Variants in UBR1 observed in about 807,000 individuals in gnomAD.
UBR1 encodes the protein ubiquitin protein ligase E3 component n-recognin 1.
Under a neutral mutation model 242.1 loss-of-function variants are expected in UBR1, and 102 were observed. That is an observed-to-expected ratio of 0.42 (90% CI 0.36 to 0.50). The LOEUF (loss-of-function observed/expected upper bound fraction) is 0.50. Ranked by LOEUF, UBR1 falls within the 20% of genes least tolerant of loss-of-function variation. The pLI is 0.01. For synonymous variants in UBR1, 675 were observed against 684.8 expected (o/e 0.99, Z 0.22); for missense variants, 1,772 against 2,101.8 (o/e 0.84, Z 3.07).
rs954825623 is a variant in UBR1, at chr15:43,066,797, G to GT, written c.798+1100dup. On this transcript the variant is annotated intron_variant, in intron 6 of 46. Transcript: ENST00000290650. ...TCAAAATTTGCATTGTTTTGTTTTA[G>GT]TTTTTTTGTAGAGACAGAGTCTCTT... is the stretch of plus-strand genomic sequence containing the variant. 2.0e-5 allele frequency among the ~76,000 whole-genome samples: 3 copies of GT among 152,196 alleles called. No individual in the cohort carries two copies. In the East Asian group the frequency reaches 5.8e-4, roughly 29 times the overall value.
intron 1 of UBR1, among the ~76,000 whole-genome samples, chr15:43,090,778 G>A (rs2034096992): frequency 6.6e-6 from 1 of 152,146 alleles, no homozygotes. Flanking sequence ...TTTCATAGAT[G>A]AGAAAGCTGA....
intron 1 of UBR1, among the ~76,000 whole-genome samples, chr15:43,099,250 T>C (rs1268501080): frequency 6.6e-6 from 1 of 151,912 alleles, no homozygotes; most frequent in Non-Finnish European, 1.5e-5. Flanking sequence ...GGCAAGAGAA[T>C]TGCTTGAACC....
chr15:43,086,797 A>G (rs1414179191), intron 1 of UBR1, among the ~76,000 whole-genome samples: 3 of 152,234 alleles, frequency 2.0e-5, no homozygotes, highest in Admixed American at 6.5e-5. Context: ...TAAAATGACA[A>G]TGAGATACCC....
chr15:43,095,915 A>G (rs757141311), intron 1 of UBR1, among the ~76,000 whole-genome samples: 7 of 152,380 alleles, frequency 4.6e-5, no homozygotes, highest in East Asian at 1.9e-4. Flanking sequence ...GAGTGAACAT[A>G]AAGTGAGTCA....
chr15:43,059,323 T>G (rs1487619200), intron 8 of UBR1, 131 bp from the exon 9 acceptor site: 1 of 778,122 alleles, frequency 1.3e-6, no homozygotes, highest in East Asian at 2.7e-5. Context: ...CCTCAGCCTC[T>G]CACAGTGCTG....
Position 42,945,220 on chromosome 15 carries a change from G to C in UBR1, c.*109C>G. ...ATTGATGTAAGTGAACCTGGACATG[G>C]AGCAAAAGACCCTCCAATACTTTCC... On this transcript the variant is annotated 3_prime_UTR_variant, in exon 47 of 47. Transcript: ENST00000290650. 6.8e-7 allele frequency: 1 copy of C among 1,474,582 alleles called. No individual in the cohort carries two copies. The highest frequency in any genetic ancestry group is 1.4e-5 in the African/African-American group (1 of 71,874). 91.3% of individuals were successfully genotyped at this position (1,474,582 alleles called of 1,614,324 possible).
In UBR1 at chr15:43,024,970, T is replaced by C; in HGVS notation, c.2598A>G (p.Pro866=). ...QENKDEALPP[P]PPPEFCPAFS... ...AAGCAGGGCAGAATTCAGGAGGTGGTGGTGGCGGCAATGCTATAGGAGGTG... is the reference window on the plus strand; with the variant it reads ...AAGCAGGGCAGAATTCAGGAGGTGGCGGTGGCGGCAATGCTATAGGAGGTG... The change falls in exon 25 of 47, where the codon CCA becomes CCG. Residue 866 remains proline (P), a synonymous_variant. Coordinates refer to ENST00000290650, the MANE Select transcript of UBR1 (RefSeq NM_174916.3). The C allele has an allele frequency of 6.2e-7, 1 of 1,614,082 alleles. No homozygotes were observed. Among genetic ancestry groups the C allele is most frequent in the South Asian group, 1.1e-5 (1 of 91,088 alleles).
chr15:43,027,557 A>C (rs1027249912), intron 22 of UBR1, among the ~76,000 whole-genome samples: 8 of 152,138 alleles, frequency 5.3e-5, no homozygotes, highest in African/African-American at 1.9e-4. Context: ...TAATATCATA[A>C]ATGAGTATTT....
chr15:43,019,686 G>A (rs1300287227), intron 27 of UBR1, among the ~76,000 whole-genome samples: 3 of 146,728 alleles, frequency 2.0e-5, no homozygotes, highest in South Asian at 2.2e-4. Flanking sequence ...GAGTTCAGGC[G>A]ATTCTCCTGC....
At position 43,028,746 on chromosome 15, in the gene UBR1, C is replaced by CAA. The variant is rs1266687796; in HGVS notation, c.2380-920_2380-919dup. On this transcript the variant is annotated intron_variant, in intron 21 of 46. Transcript: ENST00000290650. ...GGCAACAGACCAAGACTCCATCAAA[C>CAA]AAAAAAAAAAAAACAAACAAACAAC... Among the ~76,000 whole-genome samples the CAA allele has an allele frequency of 1.6e-4, 17 of 104,262 alleles. No homozygotes were observed. The East Asian group carries it at 2.8e-3, about 17-fold the overall frequency. The allele number at this position is 104,262 out of a possible 152,430, so 68.4% of individuals were successfully genotyped here. A position where few individuals can be genotyped will look rare whatever the true frequency, so the allele number is the denominator to read the frequency against.
At chr15:43,076,776 AG>A (rs2033904741) in intron 3 of UBR1, among the ~76,000 whole-genome samples, 1 of 116,384 alleles carries the variant, frequency 8.6e-6, no homozygotes, top group Non-Finnish European at 1.8e-5. Flanking sequence ...GGGAGGTGGG[AG>A]GGGGTCAGCC....
intron 1 of UBR1, among the ~76,000 whole-genome samples, chr15:43,097,429 C>T (rs141165022): frequency 1.3e-5 from 2 of 152,274 alleles, no homozygotes; most frequent in Middle Eastern, 3.4e-3. Context: ...CTGCATTAGC[C>T]GCTAGCAAGA....
chr15:43,015,732 T>C lies in UBR1; in HGVS notation c.3165A>G (p.Thr1055=). 1 of 1,614,212 alleles carries C rather than the reference T, an allele frequency of 6.2e-7. No homozygotes were observed. Among genetic ancestry groups the C allele is most frequent in the South Asian group, 1.1e-5 (1 of 91,086 alleles). ...IETHKLMYDN[T]SEMPGKEDSI... ...AATCTTCTTTCCCAGGCATTTCTGA[T>C]GTATTGTCATACATGAGTTTATGAG... The change falls in exon 29 of 47, where the codon ACA becomes ACG. Residue 1055 remains threonine (T), a synonymous_variant. Transcript: ENST00000290650.
At chr15:43,026,256 A>C (rs1270979587) in intron 23 of UBR1, 4 of 278,546 alleles carry the variant, frequency 1.4e-5, no homozygotes, top group African/African-American at 4.6e-5. Flanking sequence ...AAAACAAAAA[A>C]CAAAACAAAA....
chr15:43,001,230 G>A (rs1465550451), intron 32 of UBR1, among the ~76,000 whole-genome samples: 2 of 149,374 alleles, frequency 1.3e-5, no homozygotes, highest in African/African-American at 5.0e-5. Context: ...CACTACAACT[G>A]CCACCTCCCA....
At chr15:43,001,362 T>C (rs1269867950) in intron 32 of UBR1, among the ~76,000 whole-genome samples, 1 of 152,212 alleles carries the variant, frequency 6.6e-6, no homozygotes, top group Non-Finnish European at 1.5e-5. Context: ...TTGGCCAGGC[T>C]GGTCTCCAAC....
chr15:43,012,906 C>T (rs2032947174), intron 29 of UBR1, among the ~76,000 whole-genome samples: 1 of 152,048 alleles, frequency 6.6e-6, no homozygotes, highest in Non-Finnish European at 1.5e-5. Context: ...CTAAAAGTAT[C>T]CACAAGATTT....
Position 42,998,161 on chromosome 15 carries a change from A to G in UBR1, c.3757+7T>C, listed in dbSNP as rs1272888982. The G allele has an allele frequency of 1.2e-6, 2 of 1,608,750 alleles. No individual in the cohort carries two copies. The highest frequency in any genetic ancestry group is 3.3e-5 in the Admixed American group (2 of 59,976). On this transcript the variant is annotated splice_region_variant and intron_variant, in intron 33 of 46. Transcript: ENST00000290650. ...ACATAGCTAATATAAAATAAATTTA[A>G]GCAAACCTTTAGCATGTCTTATATT...
chr15:43,013,447 T>C (rs1212322262), intron 29 of UBR1, among the ~76,000 whole-genome samples: 3 of 152,186 alleles, frequency 2.0e-5, no homozygotes, highest in Non-Finnish European at 4.4e-5. Flanking sequence ...GTGCTATCCA[T>C]ACCTGTAGTT....
Sources: allele counts gnomAD v4.1 joint callset (sites outside exome capture counted in the v4.1 genomes callset), GRCh38; gene constraint gnomAD v4.1.1; transcripts MANE v1.5; gene names NCBI Gene and HGNC (gene_info 2026-07-23, HGNC 2026-07-21).